The following CA10 variants were observed in gnomAD, a reference collection of about 807,000 sequenced individuals.
CA10 encodes the protein carbonic anhydrase-related protein 10.
A neutral mutation model predicts 44.2 loss-of-function variants in CA10; 14 were observed. That is an observed-to-expected ratio of 0.32 (90% CI 0.21 to 0.50). CA10 has a LOEUF of 0.50. Ranked by LOEUF, CA10 falls within the 20% of genes least tolerant of loss-of-function variation. The pLI, the probability that CA10 is intolerant of heterozygous loss-of-function variation, is 0.99. For synonymous variants in CA10, 159 were observed against 141.6 expected, an observed-to-expected ratio of 1.12 and a Z score of -0.87; for missense variants, 350 against 409.7, an observed-to-expected ratio of 0.85 and a Z score of 1.26.
intron 2 of CA10, among the ~76,000 whole-genome samples, chr17:51,942,224 A>C (rs769393263): frequency 4.6e-5 from 7 of 152,102 alleles, no homozygotes; most frequent in Non-Finnish European, 8.8e-5. Flanking sequence ...TACACAAATA[A>C]CAGGGCTTAG....
At chr17:51,851,621 G>A (rs980318149) in intron 3 of CA10, among the ~76,000 whole-genome samples, 1 of 151,590 alleles carries the variant, frequency 6.6e-6, no homozygotes, top group African/African-American at 2.4e-5. Flanking sequence ...CTTATTTTAG[G>A]GTCTTTTCCT....
chr17:51,929,208 G>A (rs1308918067), intron 3 of CA10, among the ~76,000 whole-genome samples: 1 of 135,366 alleles, frequency 7.4e-6, no homozygotes, highest in Non-Finnish European at 1.6e-5. Flanking sequence ...AAATTTTAGG[G>A]AGAAGCTGTG....
At chr17:51,794,266 G>A (rs1906628229) in intron 3 of CA10, among the ~76,000 whole-genome samples, 1 of 152,196 alleles carries the variant, frequency 6.6e-6, no homozygotes, top group Non-Finnish European at 1.5e-5. Context: ...CTGCCTGCAT[G>A]CTCCCATGTA....
chr17:52,062,984 C>T (rs951599827), intron 2 of CA10, among the ~76,000 whole-genome samples: 10 of 152,236 alleles, frequency 6.6e-5, no homozygotes, highest in Non-Finnish European at 1.3e-4. Context: ...ATGTGGGCTG[C>T]ACCCAGAAAA....
intron 2 of CA10, among the ~76,000 whole-genome samples, chr17:51,933,868 G>C (rs1026103791): frequency 1.3e-5 from 2 of 152,156 alleles, no homozygotes; most frequent in Non-Finnish European, 2.9e-5. Flanking sequence ...GGCAGCTGCT[G>C]CTGTACTTCA....
At chr17:52,002,186 A>G (rs1400026587) in intron 2 of CA10, among the ~76,000 whole-genome samples, 2 of 152,024 alleles carry the variant, frequency 1.3e-5, no homozygotes, top group African/African-American at 4.8e-5. Context: ...CATGTACCCT[A>G]TAACTTAAAG....
At chr17:51,849,461 T>C (rs1418078264) in intron 3 of CA10, among the ~76,000 whole-genome samples, 1 of 151,652 alleles carries the variant, frequency 6.6e-6, no homozygotes, top group Admixed American at 6.6e-5. Flanking sequence ...TTTGAGTGCC[T>C]TGGATGCTGG....
chr17:52,152,512 C>A (rs572127173), intron 1 of CA10, among the ~76,000 whole-genome samples: 29 of 152,204 alleles, frequency 1.9e-4, no homozygotes, highest in African/African-American at 6.7e-4. Flanking sequence ...CTAATATACT[C>A]CTTTTCTTTC....
chr17:52,026,492 G>A (rs750511451), intron 2 of CA10, among the ~76,000 whole-genome samples: 8 of 152,152 alleles, frequency 5.3e-5, no homozygotes, highest in African/African-American at 1.9e-4. Context: ...GTTCCCAACT[G>A]TATTGGTCTG....
At chr17:52,156,235 T>C (rs1386987765) in intron 1 of CA10, among the ~76,000 whole-genome samples, 1 of 152,194 alleles carries the variant, frequency 6.6e-6, no homozygotes, top group Non-Finnish European at 1.5e-5. Context: ...ATGTAAAATA[T>C]GGCCTTGTGA....
chr17:52,021,994 C>T (rs764383243), intron 2 of CA10, among the ~76,000 whole-genome samples: 7 of 152,020 alleles, frequency 4.6e-5, no homozygotes, highest in Admixed American at 1.3e-4. Flanking sequence ...GAGCTGGTAC[C>T]AATCCTTACT....
chr17:51,653,273 G>A (rs1036882772), intron 5 of CA10, among the ~76,000 whole-genome samples: 2 of 152,184 alleles, frequency 1.3e-5, no homozygotes, highest in Non-Finnish European at 2.9e-5. Flanking sequence ...GCTGAATGGT[G>A]AACAGGACTT....
chr17:51,682,359 C>T (rs1914875936), intron 4 of CA10, among the ~76,000 whole-genome samples: 2 of 152,140 alleles, frequency 1.3e-5, no homozygotes, highest in African/African-American at 2.4e-5. Context: ...TTCCCCTGGC[C>T]ACTGTGAGGA....
chr17:51,972,192 T>A (rs573877581), intron 2 of CA10, among the ~76,000 whole-genome samples: 2 of 152,112 alleles, frequency 1.3e-5, no homozygotes, highest in Non-Finnish European at 2.9e-5. Context: ...GTGAGATTAC[T>A]CAGTTCTTTC....
chr17:51,863,056 G>A (rs1435687998), intron 3 of CA10, among the ~76,000 whole-genome samples: 1 of 152,128 alleles, frequency 6.6e-6, no homozygotes, highest in Non-Finnish European at 1.5e-5. Flanking sequence ...ATGGCTTTGG[G>A]TAAATTGTAT....
In CA10 at chr17:51,991,428, T is replaced by C. The variant is rs143715649; in HGVS notation, c.137-60296A>G. ...CCTGTATTTACTTACAACTACATCA[T>C]CAACATCCTAGGACAGGGTCTAGGT... On this transcript the variant is annotated intron_variant, in intron 2 of 8. Transcript: ENST00000451037. Among the ~76,000 whole-genome samples the C allele has an allele frequency of 2.5e-3, 374 of 152,274 alleles. 1 individual carries two copies. The Middle Eastern group carries it at 0.041, about 17-fold the overall frequency.
chr17:51,987,828 A>G (rs1346405795), intron 2 of CA10, among the ~76,000 whole-genome samples: 1 of 151,750 alleles, frequency 6.6e-6, no homozygotes, highest in Non-Finnish European at 1.5e-5. Context: ...ATTTGAGGGA[A>G]TTTGTCATCA....
chr17:52,102,923 C>A (rs187405811), intron 1 of CA10, among the ~76,000 whole-genome samples: 2 of 152,284 alleles, frequency 1.3e-5, no homozygotes. Context: ...TCACCCTCTA[C>A]GGAAGTCACT....
chr17:51,907,901 T>A (rs1046613109), intron 3 of CA10, among the ~76,000 whole-genome samples: 1 of 152,194 alleles, frequency 6.6e-6, no homozygotes, highest in Non-Finnish European at 1.5e-5. Context: ...CTGGGGAACC[T>A]GATCTGTAAA....
Sources: allele counts gnomAD v4.1 joint callset (sites outside exome capture counted in the v4.1 genomes callset), GRCh38; gene constraint gnomAD v4.1.1; transcripts MANE v1.5; gene names NCBI Gene and HGNC (gene_info 2026-07-23, HGNC 2026-07-21).